The following RBMS3 variants were observed in gnomAD, a reference collection of about 807,000 sequenced individuals.
The protein encoded by RBMS3 is RNA binding motif single stranded interacting protein 3.
In RBMS3, 27 loss-of-function variants were observed where a neutral mutation model predicts 66.8. The ratio of observed to expected loss-of-function variants is 0.40; its 90% confidence interval spans 0.30 to 0.56. The LOEUF (loss-of-function observed/expected upper bound fraction) is 0.56, where lower values mean the gene tolerates loss of function less well. RBMS3 is among the 20% of genes least tolerant of loss of function. The pLI, the probability that RBMS3 is intolerant of heterozygous loss-of-function variation, is 0.40. For missense variants in RBMS3, 513 were observed against 549.5 expected, an observed-to-expected ratio of 0.93 and a Z score of 0.66; for synonymous variants, 188 against 183.0, an observed-to-expected ratio of 1.03 and a Z score of -0.22.
intron 1 of RBMS3, among the ~76,000 whole-genome samples, chr3:29,391,737 A>G (rs960778764): frequency 1.3e-5 from 2 of 152,188 alleles, no homozygotes; most frequent in Non-Finnish European, 2.9e-5. Context: ...TGCAGTCTCT[A>G]CTTTCTTATC....
intron 4 of RBMS3, among the ~76,000 whole-genome samples, chr3:29,719,101 A>T (rs1369072763): frequency 6.6e-6 from 1 of 151,914 alleles, no homozygotes. Context: ...TAAAACGCAG[A>T]TCTGATTTAG....
chr3:30,007,002 A>G lies in RBMS3; in HGVS notation c.*3140A>G, dbSNP rs955267559. 3.3e-5 allele frequency: 5 copies of G among 152,022 alleles called. No individual in the cohort carries two copies. The highest frequency in any genetic ancestry group is 7.4e-5 in the Non-Finnish European group (5 of 67,902). The allele number at this position is 152,022 out of a possible 1,614,324, so 9.4% of individuals were successfully genotyped here. On this transcript the variant is annotated 3_prime_UTR_variant, in exon 15 of 15. Coordinates refer to ENST00000383767, the MANE Select transcript of RBMS3 (RefSeq NM_001003793.3). ...GTTTTGTGTTTGGATAGTTTATATC[A>G]TGCCATTCTATAAAATGTATGTTTT...
At chr3:29,459,048 G>A (rs1041180142) in intron 2 of RBMS3, among the ~76,000 whole-genome samples, 2 of 152,180 alleles carry the variant, frequency 1.3e-5, no homozygotes, top group African/African-American at 4.8e-5. Context: ...ACCTTGGGAA[G>A]GTTAATCTGA....
At chr3:29,966,358 T>G (rs1559845711) in intron 12 of RBMS3, among the ~76,000 whole-genome samples, 1 of 152,222 alleles carries the variant, frequency 6.6e-6, no homozygotes, top group African/African-American at 2.4e-5. Flanking sequence ...TGGGATGTGT[T>G]TCCATTTGTG....
intron 4 of RBMS3, among the ~76,000 whole-genome samples, chr3:29,683,560 T>C (rs1308256976): frequency 7.2e-5 from 11 of 152,138 alleles, no homozygotes; most frequent in Non-Finnish European, 1.2e-4. Flanking sequence ...AGTCTCATGC[T>C]AACTCCTGGC....
At chr3:29,332,925 G>A (rs1296813062) in intron 1 of RBMS3, among the ~76,000 whole-genome samples, 2 of 151,948 alleles carry the variant, frequency 1.3e-5, no homozygotes, top group African/African-American at 4.8e-5. Flanking sequence ...CATTATTCTG[G>A]GATGACTTCA....
intron 1 of RBMS3, among the ~76,000 whole-genome samples, chr3:29,408,259 G>A (rs9811121): frequency 0.37 from 49,287 of 133,122 alleles, 8,992 homozygotes; most frequent in Admixed American, 0.44. Flanking sequence ...ATGACAGAGC[G>A]AGACTCCATC....
intron 11 of RBMS3, among the ~76,000 whole-genome samples, chr3:29,941,611 T>C (rs187334292): frequency 1.1e-3 from 170 of 151,912 alleles, no homozygotes; most frequent in African/African-American, 3.4e-3. Context: ...TAAGTGTAAG[T>C]CTAGTAGTAC....
intron 14 of RBMS3, among the ~76,000 whole-genome samples, chr3:29,996,660 G>A (rs1355386793): frequency 6.6e-6 from 1 of 151,810 alleles, no homozygotes; most frequent in Admixed American, 6.6e-5. Flanking sequence ...ACCTGCTCCT[G>A]AATGACTACT....
At chr3:29,299,888 A>G (rs2033554276) in intron 1 of RBMS3, among the ~76,000 whole-genome samples, 1 of 151,882 alleles carries the variant, frequency 6.6e-6, no homozygotes, top group Non-Finnish European at 1.5e-5. Flanking sequence ...GAAACATAAA[A>G]AGCTAACAAA....
intron 1 of RBMS3, among the ~76,000 whole-genome samples, chr3:29,321,164 C>A (rs2034987702): frequency 6.6e-6 from 1 of 151,994 alleles, no homozygotes; most frequent in Non-Finnish European, 1.5e-5. Flanking sequence ...AATTACCTTG[C>A]TTTAAGTGTT....
At chr3:29,422,514 AATAT>A (rs1481369350) in intron 1 of RBMS3, among the ~76,000 whole-genome samples, 5 of 152,120 alleles carry the variant, frequency 3.3e-5, no homozygotes, top group African/African-American at 1.2e-4. Context: ...ATTGACTTAA[AATAT>A]ACTGAAAATG....
chr3:29,931,977 A>G (rs1327137268), intron 10 of RBMS3, among the ~76,000 whole-genome samples: 1 of 152,220 alleles, frequency 6.6e-6, no homozygotes, highest in Non-Finnish European at 1.5e-5. Context: ...TGAGGCATTT[A>G]GATAAGACAG....
At chr3:29,989,340 ATTC>A (rs960644211) in intron 13 of RBMS3, among the ~76,000 whole-genome samples, 65 of 152,230 alleles carry the variant, frequency 4.3e-4, no homozygotes, top group African/African-American at 1.6e-3. Context: ...AGGTACCTAT[ATTC>A]TTCTTTCTGG....
At chr3:29,625,634 G>A (rs1020808706) in intron 4 of RBMS3, among the ~76,000 whole-genome samples, 1 of 151,880 alleles carries the variant, frequency 6.6e-6, no homozygotes, top group African/African-American at 2.4e-5. Flanking sequence ...GGAGGTGGGG[G>A]TTGCAGTGAG....
chr3:29,971,689 C>A (rs190023593), intron 12 of RBMS3, among the ~76,000 whole-genome samples: 11 of 152,020 alleles, frequency 7.2e-5, no homozygotes, highest in Non-Finnish European at 1.3e-4. Context: ...CCAACCATAA[C>A]GAATTAGGCA....
rs2040200340 is a variant in RBMS3, at chr3:29,410,117, A to G, written c.76-24626A>G. Among the ~76,000 whole-genome samples the G allele has an allele frequency of 5.3e-5, 8 of 152,346 alleles. No homozygotes were observed. The South Asian group carries it at 1.7e-3, about 32-fold the overall frequency. On this transcript the variant is annotated intron_variant, in intron 1 of 14. Coordinates refer to ENST00000383767, the MANE Select transcript of RBMS3 (RefSeq NM_001003793.3). ...AACATATTTAATAAAAAGTGAAGGCATGGAAATACTATTTTGGATATGTTT... is the reference window on the plus strand; with the variant it reads ...AACATATTTAATAAAAAGTGAAGGCGTGGAAATACTATTTTGGATATGTTT...
intron 1 of RBMS3, among the ~76,000 whole-genome samples, chr3:29,397,022 CTGAG>C (rs1252029330): frequency 1.3e-5 from 2 of 152,048 alleles, no homozygotes; most frequent in Non-Finnish European, 2.9e-5. Context: ...TTGTAGCCTG[CTGAG>C]TGTTTAATAA....
intron 6 of RBMS3, among the ~76,000 whole-genome samples, chr3:29,840,458 G>T (rs2058634428): frequency 1.3e-5 from 2 of 151,826 alleles, no homozygotes; most frequent in South Asian, 2.1e-4. Flanking sequence ...AATAAAACAC[G>T]GCTAAATTTT....
Sources: gnomAD v4.1 joint callset for allele counts (sites outside exome capture counted in the v4.1 genomes callset) on GRCh38, gnomAD v4.1.1 for gene constraint, MANE v1.5 for transcripts, NCBI Gene and HGNC (gene_info 2026-07-23, HGNC 2026-07-21) for gene names.